AGAP1: variants seen among roughly 807,000 people sequenced by gnomAD.
AGAP1 encodes the protein arf-GAP with GTPase, ANK repeat and PH domain-containing protein 1.
In AGAP1, 29 loss-of-function variants were observed where a neutral mutation model predicts 105.3. The observed-to-expected ratio is 0.28, with a 90% CI of 0.21 to 0.38. The LOEUF (loss-of-function observed/expected upper bound fraction) is 0.38, where lower values mean the gene tolerates loss of function less well. Ranked by LOEUF, AGAP1 falls within the 10% of genes least tolerant of loss-of-function variation. The pLI is 1.00. For missense variants in AGAP1, 998 were observed against 1,165.1 expected, an observed-to-expected ratio of 0.86 and a Z score of 2.09; for synonymous variants, 509 against 485.9, an observed-to-expected ratio of 1.05 and a Z score of -0.63.
chr2:236,041,814 A>G (rs1243396172), intron 15 of AGAP1, among the ~76,000 whole-genome samples: 1 of 152,056 alleles, frequency 6.6e-6, no homozygotes. Context: ...CCATGGAGCT[A>G]AGCGCTGGGG....
intron 16 of AGAP1, among the ~76,000 whole-genome samples, chr2:236,064,325 C>T (rs960586565): frequency 6.6e-6 from 1 of 152,116 alleles, no homozygotes; most frequent in Non-Finnish European, 1.5e-5. Context: ...TGCCGTGGCT[C>T]GCGCCTGTAA....
chr2:235,997,734 T>TC (rs1244327592), intron 13 of AGAP1, among the ~76,000 whole-genome samples: 1 of 152,212 alleles, frequency 6.6e-6, no homozygotes, highest in Non-Finnish European at 1.5e-5. Flanking sequence ...CTTTTTTTTT[T>TC]CCTAACTAAA....
intron 9 of AGAP1, among the ~76,000 whole-genome samples, chr2:235,862,329 G>C (rs1210354699): frequency 1.3e-5 from 2 of 152,244 alleles, no homozygotes; most frequent in Admixed American, 6.5e-5. Context: ...AGCAGTGGTA[G>C]CGGTCCTTGT....
In AGAP1 at chr2:235,689,231, C is replaced by T. The variant is rs963970530; in HGVS notation, c.164-19948C>T. On this transcript the variant is annotated intron_variant, in intron 1 of 17. Transcript: ENST00000304032. This position sits in a 1 kb window ranked among gnomAD's most constrained non-coding sequence, Gnocchi z 4.2. ...GCCTATGCCTTGGACACTCTTCATT[C>T]GCTAGCACCGAGATGGTTCAGGGCA... Among the ~76,000 whole-genome samples the T allele has an allele frequency of 6.6e-6, 1 of 152,220 alleles. No homozygotes were observed. The highest frequency in any genetic ancestry group is 2.4e-5 in the African/African-American group (1 of 41,532).
At position 235,594,883 on chromosome 2, in the gene AGAP1, G is replaced by GTTTT. The variant is rs34386154; in HGVS notation, c.163+100054_163+100057dup. 6.7e-3 allele frequency among the ~76,000 whole-genome samples: 736 copies of GTTTT among 109,830 alleles called. 11 individuals are homozygous for GTTTT. Among genetic ancestry groups the GTTTT allele is most frequent in the African/African-American group, 0.015 (399 of 27,224 alleles). The allele number at this position is 109,830 out of a possible 152,430, so 72.1% of individuals were successfully genotyped here. On this transcript the variant is annotated intron_variant, in intron 1 of 17. Transcript: ENST00000304032. ...GCCACTGCGCCCGGCCCAGATTGCT[G>GTTTT]TTTTTTTTTTTTTTTTTTTTTTTAT...
chr2:236,026,179 A>G (rs1309213460), intron 13 of AGAP1, among the ~76,000 whole-genome samples: 1 of 152,198 alleles, frequency 6.6e-6, no homozygotes, highest in Non-Finnish European at 1.5e-5. Flanking sequence ...AAGGCACTCT[A>G]TGGACACAAC....
Position 236,124,364 on chromosome 2 carries a change from C to T in AGAP1, c.*242C>T. The T allele has an allele frequency of 3.5e-6, 2 of 575,500 alleles. No homozygotes were observed. The highest frequency in any genetic ancestry group is 2.0e-5 in the South Asian group (1 of 49,806). The allele number at this position is 575,500 out of a possible 1,614,324, so 35.6% of individuals were successfully genotyped here. On this transcript the variant is annotated 3_prime_UTR_variant, in exon 18 of 18. Transcript: ENST00000304032. The surrounding 1 kb of genome is among the most constrained non-coding windows in gnomAD (Gnocchi z 5.1). ...TTTTCATAAACTCCCCTAAACCACA[C>T]ACAGGAGAGAGCGACGGGCCTCGGC...
chr2:235,667,441 G>C (rs1165646754), intron 1 of AGAP1, among the ~76,000 whole-genome samples: 5 of 151,850 alleles, frequency 3.3e-5, no homozygotes, highest in Admixed American at 6.6e-5. Context: ...GCAGAATGCT[G>C]ATGCTTACTA....
At chr2:235,818,197 G>A (rs1029155717) in intron 9 of AGAP1, among the ~76,000 whole-genome samples, 4 of 152,152 alleles carry the variant, frequency 2.6e-5, no homozygotes, top group African/African-American at 9.7e-5. Context: ...ACATTACGTT[G>A]GTTGCTTCAT....
chr2:235,754,152 AT>A lies in AGAP1; in HGVS notation c.673+3668del, dbSNP rs1203860014. 1.3e-5 allele frequency among the ~76,000 whole-genome samples: 2 copies of A among 152,170 alleles called. No individual in the cohort carries two copies. The highest frequency in any genetic ancestry group is 4.8e-5 in the African/African-American group (2 of 41,442). Reference sequence around the variant, plus strand: ...CTCGACTTAACCACAGCACCGGGACATTTTGTCATTAAAATGGAAGCAAATC... The same window carrying A: ...CTCGACTTAACCACAGCACCGGGACATTTGTCATTAAAATGGAAGCAAATC... On this transcript the variant is annotated intron_variant, in intron 6 of 17. Transcript: ENST00000304032. This position sits in a 1 kb window ranked among gnomAD's most constrained non-coding sequence, Gnocchi z 4.6.
chr2:236,049,327 GT>G, intron 16 of AGAP1, 46 bp downstream of exon 16: 2 of 1,558,872 alleles, frequency 1.3e-6, no homozygotes, highest in South Asian at 1.1e-5. Context: ...TTTGCCAACA[GT>G]TAGGCAACTG....
intron 1 of AGAP1, among the ~76,000 whole-genome samples, chr2:235,521,321 G>A (rs916790384): frequency 2.6e-5 from 4 of 152,304 alleles, no homozygotes; most frequent in Non-Finnish European, 2.9e-5. Flanking sequence ...TAGGGAAATA[G>A]TTATATAACT....
chr2:235,990,954 C>T (rs1228564137), intron 13 of AGAP1, among the ~76,000 whole-genome samples: 1 of 152,210 alleles, frequency 6.6e-6, no homozygotes, highest in African/African-American at 2.4e-5. Context: ...CCAAGCAGGG[C>T]TCACCGAGGA....
At chr2:235,731,004 A>G (rs542764639) in intron 3 of AGAP1, among the ~76,000 whole-genome samples, 3 of 152,294 alleles carry the variant, frequency 2.0e-5, no homozygotes, top group African/African-American at 7.2e-5. Context: ...TCCTTGTCTT[A>G]CATGAGTCAG....
At chr2:235,795,090 C>T (rs1474947335) in intron 6 of AGAP1, among the ~76,000 whole-genome samples, 2 of 152,114 alleles carry the variant, frequency 1.3e-5, no homozygotes, top group Non-Finnish European at 2.9e-5. Context: ...ACATTCCATC[C>T]ATTTTCTTTG....
rs982334341 is a variant in AGAP1, at chr2:235,971,932, C to T, written c.1645+3309C>T. 4.6e-5 allele frequency among the ~76,000 whole-genome samples: 7 copies of T among 151,724 alleles called. No homozygotes were observed. In the East Asian group the frequency reaches 5.8e-4, roughly 13 times the overall value. On this transcript the variant is annotated intron_variant, in intron 13 of 17. Coordinates refer to ENST00000304032, the MANE Select transcript of AGAP1 (RefSeq NM_001037131.3). This position sits in a 1 kb window ranked among gnomAD's most constrained non-coding sequence, Gnocchi z 4.8. ...TAGCTGGGACCACAGGCAGGCACCA[C>T]GACACCTGGCTAATTTTTTGTATTT...
At chr2:235,776,256 C>T (rs1191537895) in intron 6 of AGAP1, among the ~76,000 whole-genome samples, 3 of 152,122 alleles carry the variant, frequency 2.0e-5, no homozygotes, top group Non-Finnish European at 4.4e-5. Flanking sequence ...TCCAAGGCCT[C>T]GCAGGGGTGG....
At chr2:236,102,236 T>C (rs1394348699) in intron 16 of AGAP1, among the ~76,000 whole-genome samples, 1 of 151,992 alleles carries the variant, frequency 6.6e-6, no homozygotes, top group Non-Finnish European at 1.5e-5. Context: ...GCTAACACGG[T>C]GAAACCCTGT....
At chr2:235,946,284 CTTTTTT>C (rs34759426) in intron 12 of AGAP1, among the ~76,000 whole-genome samples, 3 of 114,036 alleles carry the variant, frequency 2.6e-5, no homozygotes, top group Admixed American at 9.0e-5. Flanking sequence ...GCTTTTTTTC[CTTTTTT>C]TTTTTTTTTT....
Sources: allele counts gnomAD v4.1 joint callset (sites outside exome capture counted in the v4.1 genomes callset), GRCh38; gene constraint gnomAD v4.1.1; non-coding constraint Gnocchi (gnomAD v3.1); transcripts MANE v1.5; gene names NCBI Gene and HGNC (gene_info 2026-07-23, HGNC 2026-07-21).